Variants in CAST observed in about 807,000 individuals in gnomAD.
CAST encodes calpastatin.
Under a neutral mutation model 119.6 loss-of-function variants are expected in CAST, and 76 were observed. The ratio of observed to expected loss-of-function variants is 0.64; its 90% CI spans 0.53 to 0.77. The LOEUF (loss-of-function observed/expected upper bound fraction) is 0.77. Ranked by LOEUF, CAST falls within the 30% of genes least tolerant of loss-of-function variation. The pLI, the probability that CAST is intolerant of heterozygous loss-of-function variation, is 0.00. For missense variants in CAST, 953 were observed against 946.5 expected (o/e 1.01, Z -0.09); for synonymous variants, 319 against 331.6 (o/e 0.96, Z 0.41).
intron 1 of CAST, among the ~76,000 whole-genome samples, chr5:96,591,514 A>T (rs910844802): frequency 1.3e-5 from 2 of 152,232 alleles, no homozygotes; most frequent in African/African-American, 4.8e-5. Flanking sequence ...GGTCTGAGTT[A>T]GGTACAGGAC....
At chr5:96,642,732 A>G (rs543354792) in intron 1 of CAST, among the ~76,000 whole-genome samples, 3 of 152,022 alleles carry the variant, frequency 2.0e-5, no homozygotes, top group African/African-American at 4.8e-5. Flanking sequence ...AATATAGACA[A>G]GAGACAGGGT....
rs1300725807 is a variant in CAST, at chr5:96,774,627, C to CATGTTTCATTA, written c.*2014_*2024dup. ...GACCAAAACTGAAAATCAATATTTC[C>CATGTTTCATTA]ATGTTTCATTAATCAAGGCATAAAA... On this transcript the variant is annotated 3_prime_UTR_variant, in exon 32 of 32. Transcript: ENST00000675179. 8 of 985,168 alleles carry CATGTTTCATTA rather than the reference C, an allele frequency of 8.1e-6. No individual in the cohort carries two copies. The highest frequency in any genetic ancestry group is 8.4e-6 in the Non-Finnish European group (7 of 829,788). The allele number at this position is 985,168 out of a possible 1,614,324, so 61.0% of individuals were successfully genotyped here.
At chr5:96,187,524 A>G in the CAST span, among the ~76,000 whole-genome samples, 1 of 152,154 alleles carries the variant, frequency 6.6e-6, no homozygotes, top group Non-Finnish European at 1.5e-5. Flanking sequence ...GCTGTGTCGC[A>G]GGGATTCTGG....
the CAST span, among the ~76,000 whole-genome samples, chr5:96,469,686 T>C: frequency 6.6e-6 from 1 of 151,700 alleles, no homozygotes; most frequent in East Asian, 1.9e-4. Context: ...CGTATATGCA[T>C]ATATGCATAT....
At chr5:96,442,379 T>C in the CAST span, among the ~76,000 whole-genome samples, 1 of 152,246 alleles carries the variant, frequency 6.6e-6, no homozygotes. Context: ...TCATTATGAT[T>C]GGTCTGTCTT....
chr5:96,709,098 A>G (rs1755590224), intron 3 of CAST, among the ~76,000 whole-genome samples: 1 of 152,220 alleles, frequency 6.6e-6, no homozygotes, highest in Non-Finnish European at 1.5e-5. Flanking sequence ...CACTATACAG[A>G]AATAAATTTG....
chr5:96,725,340 T>C (rs1242317414), intron 4 of CAST, among the ~76,000 whole-genome samples: 1 of 152,208 alleles, frequency 6.6e-6, no homozygotes, highest in Non-Finnish European at 1.5e-5. Context: ...TAATGTATAT[T>C]GGACAATTCC....
At chr5:96,267,921 T>C in the CAST span, among the ~76,000 whole-genome samples, 2 of 152,130 alleles carry the variant, frequency 1.3e-5, no homozygotes, top group African/African-American at 4.8e-5. Flanking sequence ...AGTCAAAATG[T>C]AGGAGGTATG....
At chr5:96,756,056 T>C (rs1766252067) in intron 22 of CAST, among the ~76,000 whole-genome samples, 1 of 152,204 alleles carries the variant, frequency 6.6e-6, no homozygotes, top group Non-Finnish European at 1.5e-5. Flanking sequence ...CATTTCATCC[T>C]CCTCTGACTT....
chr5:96,687,662 A>G (rs1752237374), intron 2 of CAST, among the ~76,000 whole-genome samples: 1 of 152,188 alleles, frequency 6.6e-6, no homozygotes, highest in Admixed American at 6.5e-5. Context: ...AAGGACCAGA[A>G]TTTTTGGACT....
chr5:96,133,293 GAA>G, the CAST span, among the ~76,000 whole-genome samples: 2 of 142,884 alleles, frequency 1.4e-5, no homozygotes, highest in African/African-American at 2.6e-5. Context: ...AACGCTTTGA[GAA>G]AAAAAAAAAA....
intron 1 of CAST, among the ~76,000 whole-genome samples, chr5:96,629,152 T>C (rs1747775302): frequency 6.6e-6 from 1 of 152,200 alleles, no homozygotes; most frequent in South Asian, 2.1e-4. Context: ...AGAGCTTGCA[T>C]GAATGGATCA....
intron 1 of CAST, among the ~76,000 whole-genome samples, chr5:96,633,133 G>T (rs545856255): frequency 1.3e-5 from 2 of 151,896 alleles, no homozygotes; most frequent in African/African-American, 2.4e-5. Flanking sequence ...CACCATGCCC[G>T]GCTAATTTTT....
At chr5:96,244,448 A>G in the CAST span, among the ~76,000 whole-genome samples, 1 of 152,204 alleles carries the variant, frequency 6.6e-6, no homozygotes, top group African/African-American at 2.4e-5. Flanking sequence ...GACACAGAAA[A>G]AGTTGGAAAA....
chr5:96,060,782 G>A, the CAST span, among the ~76,000 whole-genome samples: 1 of 152,096 alleles, frequency 6.6e-6, no homozygotes, highest in Non-Finnish European at 1.5e-5. Flanking sequence ...AAAGCCCCCT[G>A]TATTAATCTG....
intron 1 of CAST, among the ~76,000 whole-genome samples, chr5:96,635,999 C>G (rs1468865661): frequency 6.6e-6 from 1 of 152,178 alleles, no homozygotes; most frequent in Non-Finnish European, 1.5e-5. Context: ...GTGGAAGAAG[C>G]AAGCGTTGAG....
the CAST span, among the ~76,000 whole-genome samples, chr5:96,324,267 G>A: frequency 6.6e-6 from 1 of 152,064 alleles, no homozygotes; most frequent in Admixed American, 6.5e-5. Context: ...CACATAAATT[G>A]ATCTCTCTGA....
At chr5:96,767,095 TA>T (rs1202797087) in intron 27 of CAST, among the ~76,000 whole-genome samples, 1 of 152,228 alleles carries the variant, frequency 6.6e-6, no homozygotes, top group Admixed American at 6.5e-5. Flanking sequence ...TGTAATAAGC[TA>T]TAGTAAATAA....
At chr5:96,718,956 G>A (rs56255433) in intron 3 of CAST, among the ~76,000 whole-genome samples, 2,814 of 152,248 alleles carry the variant, frequency 0.018, 84 homozygotes, top group African/African-American at 0.064. Flanking sequence ...GAGATCACGG[G>A]GAGGCTGAAT....
Sources: gnomAD v4.1 joint callset for allele counts (sites outside exome capture counted in the v4.1 genomes callset) on GRCh38, gnomAD v4.1.1 for gene constraint, MANE v1.5 for transcripts, NCBI Gene and HGNC (gene_info 2026-07-23, HGNC 2026-07-21) for gene names.